Variants in ZNF480 observed in about 807,000 individuals in gnomAD.
ZNF480 encodes the protein zinc finger protein 480.
Under a neutral mutation model 14.4 loss-of-function variants are expected in ZNF480, and 15 were observed. The ratio of observed to expected loss-of-function variants is 1.04; its 90% CI spans 0.70 to 1.60. The LOEUF is 1.60. Among genes scored for constraint, ZNF480 ranks in the 40% most tolerant of loss-of-function variants. The pLI, the probability that ZNF480 is intolerant of heterozygous loss-of-function variation, is 0.00. For missense variants in ZNF480, 593 were observed against 629.7 expected, an observed-to-expected ratio of 0.94 and a Z score of 0.62; for synonymous variants, 218 against 215.5, an observed-to-expected ratio of 1.01 and a Z score of -0.10.
intron 4 of ZNF480, among the ~76,000 whole-genome samples, chr19:52,316,223 C>CTTT (rs1361327163): frequency 4.7e-5 from 2 of 42,870 alleles, no homozygotes; most frequent in African/African-American, 1.6e-4. Context: ...TTTCTTTCTT[C>CTTT]CTTTCTTCCT....
At position 52,324,357 on chromosome 19, in the gene ZNF480, C is replaced by T. The variant is rs1044875130; in HGVS notation, c.*1499C>T. The T allele has an allele frequency of 3.3e-5, 5 of 152,102 alleles. No individual in the cohort carries two copies. The East Asian group carries it at 9.6e-4, about 29-fold the overall frequency. 9.4% of individuals were successfully genotyped at this position (152,102 alleles called of 1,614,324 possible). ...AGGAAGAATCAGTATTGTTAAAATACTGCCCAAAGCAATTTACAGAGCCAA... is the reference window on the plus strand; with the variant it reads ...AGGAAGAATCAGTATTGTTAAAATATTGCCCAAAGCAATTTACAGAGCCAA... On this transcript the variant is annotated 3_prime_UTR_variant, in exon 5 of 5. Transcript: ENST00000595962.
chr19:52,311,986 T>G (rs1206283479), intron 2 of ZNF480, among the ~76,000 whole-genome samples: 1 of 152,134 alleles, frequency 6.6e-6, no homozygotes, highest in Non-Finnish European at 1.5e-5. Context: ...TGAGCAAGCC[T>G]ATGGTTTTAT....
intron 4 of ZNF480, among the ~76,000 whole-genome samples, chr19:52,321,158 G>A (rs1268694145): frequency 6.6e-6 from 1 of 152,014 alleles, no homozygotes; most frequent in Non-Finnish European, 1.5e-5. Context: ...TTGGTCAGAG[G>A]GAGATCTTTT....
rs1480760288 is a variant in ZNF480 at position 52,303,222 on chromosome 19, C to A, written c.72+2738C>A. Among the ~76,000 whole-genome samples, 6 of 152,180 alleles carry A rather than the reference C, an allele frequency of 3.9e-5. 1 individual carries two copies. Among genetic ancestry groups the A allele is most frequent in the Admixed American group, 2.0e-4 (3 of 15,274 alleles). ...TCCAGAGTAAGAAGCTTTACTGTTA[C>A]TAGACCCATCTGTAAAAACATTTTC... On this transcript the variant is annotated intron_variant, in intron 2 of 4. Coordinates refer to ENST00000595962, the MANE Select transcript of ZNF480 (RefSeq NM_144684.4).
chr19:52,298,536 C>CAGG (rs1378953074), intron 1 of ZNF480, among the ~76,000 whole-genome samples: 1 of 151,726 alleles, frequency 6.6e-6, no homozygotes, highest in Non-Finnish European at 1.5e-5. Context: ...GAGGCTGAGG[C>CAGG]AGGAGAATTG....
In ZNF480 at chr19:52,317,992, T is replaced by C. The variant is rs550070335; in HGVS notation, c.328+2030T>C. Among the ~76,000 whole-genome samples, 4 of 152,288 alleles carry C rather than the reference T, an allele frequency of 2.6e-5. No homozygotes were observed. In the East Asian group the frequency reaches 5.8e-4, roughly 22 times the overall value. On this transcript the variant is annotated intron_variant, in intron 4 of 4. Transcript: ENST00000595962. ...TGATTTGTGATATTTTGCATTTTCTTATATGGTCGTATATCACCTTTGGAA... is the reference window on the plus strand; with the variant it reads ...TGATTTGTGATATTTTGCATTTTCTCATATGGTCGTATATCACCTTTGGAA...
Position 52,309,177 on chromosome 19 carries a change from G to A in ZNF480, c.73-4976G>A, listed in dbSNP as rs182621424. Among the ~76,000 whole-genome samples, 13 of 152,246 alleles carry A rather than the reference G, an allele frequency of 8.5e-5. No individual in the cohort carries two copies. The East Asian group carries it at 2.3e-3, about 27-fold the overall frequency. Reference sequence around the variant, plus strand: ...TACTCCTTTACAACTTCATGTGAACGTTCTCTGAATTAACAATCAGTCACC... The same window carrying A: ...TACTCCTTTACAACTTCATGTGAACATTCTCTGAATTAACAATCAGTCACC... On this transcript the variant is annotated intron_variant, in intron 2 of 4. Coordinates refer to ENST00000595962, the MANE Select transcript of ZNF480 (RefSeq NM_144684.4).
At chr19:52,313,519 T>C (rs1161722149) in intron 2 of ZNF480, among the ~76,000 whole-genome samples, 1 of 152,128 alleles carries the variant, frequency 6.6e-6, no homozygotes, top group Non-Finnish European at 1.5e-5. Flanking sequence ...GTGGTGATAT[T>C]GGTAGGTATT....
At position 52,321,896 on chromosome 19, in the gene ZNF480, TCCAG is replaced by T. The variant is rs1015562306; in HGVS notation, c.649_652del (p.Ser217LeufsTer6). 7 of 1,614,140 alleles carry T rather than the reference TCCAG, an allele frequency of 4.3e-6. No homozygotes were observed. The highest frequency in any genetic ancestry group is 5.1e-6 in the Non-Finnish European group (6 of 1,180,010). The stretch of plus-strand genomic sequence containing the variant: ...GCATAGCAAAGTCTTTAGAGTATCT[TCCAG>T]CCTTACTAAACATCAAGTAATCCAT... On this transcript the variant is annotated frameshift_variant, in exon 5 of 5. Coordinates refer to ENST00000595962, the MANE Select transcript of ZNF480 (RefSeq NM_144684.4). LOFTEE classifies it low-confidence loss of function (END_TRUNC).
intron 1 of ZNF480, among the ~76,000 whole-genome samples, chr19:52,298,845 AGAAAGAAGGTGAG>A (rs558139563): frequency 7.0e-4 from 107 of 152,130 alleles, no homozygotes; most frequent in African/African-American, 2.5e-3. Flanking sequence ...AAAAAGCTAG[AGAAAGAAGGTGAG>A]AATGAGAGAT....
At chr19:52,297,383 G>A (rs1429880189) in intron 1 of ZNF480, among the ~76,000 whole-genome samples, 160 bp downstream of exon 1, 4 of 151,612 alleles carry the variant, frequency 2.6e-5, no homozygotes, top group African/African-American at 9.7e-5. Context: ...TCGCTTCCCT[G>A]TGTGTTTAAA....
chr19:52,302,184 C>A (rs1390899435), intron 2 of ZNF480: 1 of 180,816 alleles, frequency 5.5e-6, no homozygotes, highest in South Asian at 1.4e-4. Flanking sequence ...ACCTATTTCC[C>A]AACTTTTTGT....
intron 2 of ZNF480, chr19:52,300,692 T>G: frequency 1.2e-6 from 1 of 844,220 alleles, no homozygotes; most frequent in Non-Finnish European, 1.8e-6. Flanking sequence ...GACACAAGAA[T>G]AGAGTGTAAA....
intron 4 of ZNF480, among the ~76,000 whole-genome samples, chr19:52,320,113 G>C (rs1201528302): frequency 6.6e-6 from 1 of 152,124 alleles, no homozygotes; most frequent in Non-Finnish European, 1.5e-5. Flanking sequence ...ACTGTGCCTG[G>C]TGGAGCTGAT....
intron 1 of ZNF480, chr19:52,297,997 C>A (rs1234559660): frequency 6.6e-6 from 1 of 151,998 alleles, no homozygotes; most frequent in East Asian, 1.9e-4. Context: ...GCAGAGACAG[C>A]GAATGAAGCC....
Position 52,322,857 on chromosome 19 carries a change from A to G in ZNF480, c.1607A>G (p.Ter536TrpextTer12), listed in dbSNP as rs1366290162. ...LAQHWTIHMG[*>W] is the part of the protein sequence containing the mutation. ...CAACATTGGACAATTCATATGGGAT[A>G]GAAACTACAAATGCAACAAATGCGT... The change falls in exon 5 of 5, where the codon TAG becomes TGG. Residue 536 changes from the stop codon to tryptophan, a stop_lost. Coordinates refer to ENST00000595962, the MANE Select transcript of ZNF480 (RefSeq NM_144684.4). The G allele has an allele frequency of 6.4e-7, 1 of 1,558,928 alleles. No individual in the cohort carries two copies. The highest frequency in any genetic ancestry group is 8.7e-7 in the Non-Finnish European group (1 of 1,150,252).
intron 2 of ZNF480, among the ~76,000 whole-genome samples, chr19:52,306,908 A>C (rs981282857): frequency 6.6e-6 from 1 of 152,172 alleles, no homozygotes; most frequent in Non-Finnish European, 1.5e-5. Flanking sequence ...AAAGACCTGG[A>C]GGGTGAGGCC....
At chr19:52,308,820 A>C (rs1410579215) in intron 2 of ZNF480, 2 of 147,546 alleles carry the variant, frequency 1.4e-5, no homozygotes, top group African/African-American at 5.0e-5. Context: ...TTTGTCAGAG[A>C]GGAGGAAATC....
At chr19:52,315,291 G>A (rs1476205596) in intron 3 of ZNF480, among the ~76,000 whole-genome samples, 1 of 150,584 alleles carries the variant, frequency 6.6e-6, no homozygotes, top group Non-Finnish European at 1.5e-5. Flanking sequence ...CCACTTCCCT[G>A]TTTTCTACTC....
Sources: gnomAD v4.1 joint callset for allele counts (sites outside exome capture counted in the v4.1 genomes callset) on GRCh38, gnomAD v4.1.1 for gene constraint, MANE v1.5 for transcripts, NCBI Gene and HGNC (gene_info 2026-07-23, HGNC 2026-07-21) for gene names.